Variants in PTPRQ observed in about 807,000 individuals in gnomAD.
PTPRQ encodes the protein protein tyrosine phosphatase receptor type Q.
Under a neutral mutation model 246.0 loss-of-function variants are expected in PTPRQ, and 199 were observed. The observed-to-expected ratio is 0.81, with a 90% confidence interval of 0.72 to 0.91. PTPRQ has a LOEUF of 0.91. PTPRQ is among the 40% of genes least tolerant of loss of function. The pLI, the probability that PTPRQ is intolerant of heterozygous loss-of-function variation, is 0.00. For missense variants in PTPRQ, 2,624 were observed against 2,528.4 expected (o/e 1.04, Z -0.81); for synonymous variants, 869 against 853.2 (o/e 1.02, Z -0.32).
chr12:80,651,886 C>G (rs889136767), intron 37 of PTPRQ, among the ~76,000 whole-genome samples: 1 of 151,674 alleles, frequency 6.6e-6, no homozygotes, highest in Non-Finnish European at 1.5e-5. Context: ...TTAATACATA[C>G]CCATATGTAA....
chr12:80,474,264 A>C (rs1388727946), intron 8 of PTPRQ, among the ~76,000 whole-genome samples: 1 of 152,190 alleles, frequency 6.6e-6, no homozygotes, highest in Non-Finnish European at 1.5e-5. Flanking sequence ...TTAGTATTCT[A>C]ATTAAAGTTA....
chr12:80,449,313 C>A (rs1462302995), intron 3 of PTPRQ, among the ~76,000 whole-genome samples: 7 of 152,076 alleles, frequency 4.6e-5, no homozygotes, highest in African/African-American at 1.7e-4. Context: ...AATTTTCCCC[C>A]ATTTTTTGGG....
At chr12:80,496,562 A>G in intron 14 of PTPRQ, 31 bp downstream of exon 14, 1 of 1,530,566 alleles carries the variant, frequency 6.5e-7, no homozygotes, top group Non-Finnish European at 8.8e-7. Flanking sequence ...TTTGTTTAAT[A>G]ATACACAGTG....
chr12:80,546,738 T>C (rs1896319842), intron 24 of PTPRQ, 41 bp downstream of exon 24: 1 of 1,532,994 alleles, frequency 6.5e-7, no homozygotes, highest in Non-Finnish European at 8.8e-7. Flanking sequence ...TCTTTTTATA[T>C]TTAACACCTT....
At chr12:80,552,644 ATT>A (rs1565781767) in intron 25 of PTPRQ, among the ~76,000 whole-genome samples, 11 of 13,494 alleles carry the variant, frequency 8.2e-4, no homozygotes, top group Non-Finnish European at 9.8e-4. Context: ...AAAAAAAAAA[ATT>A]ATATATATAT....
intron 20 of PTPRQ, 100 bp from the exon 21 acceptor site, chr12:80,541,455 A>T: frequency 1.1e-6 from 1 of 876,742 alleles, no homozygotes; most frequent in Non-Finnish European, 1.6e-6. Flanking sequence ...AGAGCTGATG[A>T]TGTAATAGTT....
chr12:80,542,436 C>T (rs1172300179), intron 22 of PTPRQ, 72 bp downstream of exon 22: 3 of 1,485,210 alleles, frequency 2.0e-6, no homozygotes, highest in South Asian at 1.4e-5. Context: ...TAAGGAACAG[C>T]ATGGAATATG....
intron 42 of PTPRQ, 122 bp downstream of exon 42, chr12:80,670,614 CA>C: frequency 1.5e-6 from 2 of 1,344,228 alleles, no homozygotes; most frequent in Non-Finnish European, 1.9e-6. Flanking sequence ...TCAGAGATTT[CA>C]CATTTAGCAT....
rs544375843 is a variant in PTPRQ, at chr12:80,545,418, T to C, written c.3874-1138T>C. 1.3e-4 allele frequency among the ~76,000 whole-genome samples: 20 copies of C among 152,244 alleles called. 1 individual carries two copies. The South Asian group carries it at 1.9e-3, about 14-fold the overall frequency. On this transcript the variant is annotated intron_variant, in intron 23 of 44. Coordinates refer to ENST00000644991, the MANE Select transcript of PTPRQ (RefSeq NM_001145026.2). ...TTAAAATTTCTGTTACTGTGATGTT[T>C]GATAAATGATCAACATGGTTTATAT...
At chr12:80,633,505 A>G (rs540569446) in intron 34 of PTPRQ, among the ~76,000 whole-genome samples, 4 of 152,338 alleles carry the variant, frequency 2.6e-5, no homozygotes, top group East Asian at 1.9e-4. Flanking sequence ...TTGCCGAGTT[A>G]AAGGGACCTT....
chr12:80,652,975 T>G (rs987696271), intron 38 of PTPRQ, 141 bp downstream of exon 38: 2 of 1,025,120 alleles, frequency 2.0e-6, no homozygotes, highest in East Asian at 3.4e-5. Flanking sequence ...ACTACCAAAT[T>G]ATATATCTTT....
chr12:80,644,681 A>G (rs1206541076), intron 35 of PTPRQ, among the ~76,000 whole-genome samples: 2 of 152,156 alleles, frequency 1.3e-5, no homozygotes, highest in South Asian at 2.1e-4. Context: ...AAGTTAGTGC[A>G]TTTTCCTTAT....
rs1350696920 is a variant in PTPRQ at position 80,669,481 on chromosome 12, G to T, written c.6453+17G>T. The T allele has an allele frequency of 6.5e-7, 1 of 1,534,542 alleles. No homozygotes were observed. The highest frequency in any genetic ancestry group is 8.8e-7 in the Non-Finnish European group (1 of 1,141,566). On this transcript the variant is annotated intron_variant, in intron 41 of 44. Coordinates refer to ENST00000644991, the MANE Select transcript of PTPRQ (RefSeq NM_001145026.2). ...ATTGAAAGGGTAAAAAAAAAAGGGG[G>T]GGACGAGAGAACATGATATAAAATA... is the stretch of plus-strand genomic sequence containing the variant.
chr12:80,588,031 T>C, intron 25 of PTPRQ, 98 bp from the exon 26 acceptor site: 1 of 1,255,676 alleles, frequency 8.0e-7, no homozygotes, highest in South Asian at 1.8e-5. Context: ...ATTTGACAGA[T>C]CTCTACTAGC....
At chr12:80,676,748 T>G (rs553300616) in intron 43 of PTPRQ, among the ~76,000 whole-genome samples, 1 of 152,146 alleles carries the variant, frequency 6.6e-6, no homozygotes, top group Non-Finnish European at 1.5e-5. Context: ...TAAGATACTT[T>G]TAGTGCCTCA....
At chr12:80,632,347 T>C in intron 34 of PTPRQ, 56 bp downstream of exon 34, 1 of 1,544,526 alleles carries the variant, frequency 6.5e-7, no homozygotes, top group Non-Finnish European at 8.7e-7. Context: ...ATATCAGTCA[T>C]AGTCCAATCA....
rs1279556727 is a variant in PTPRQ, at chr12:80,496,118, A to G, written c.1990+12A>G. On this transcript the variant is annotated intron_variant, in intron 13 of 44. Coordinates refer to ENST00000644991, the MANE Select transcript of PTPRQ (RefSeq NM_001145026.2). ...AACTTCAGAAGATGGTAAGAATATC[A>G]ATTGCAGCTTTAATTTTTTTAAAAA... The G allele has an allele frequency of 6.5e-6, 10 of 1,545,002 alleles. No individual in the cohort carries two copies. The highest frequency in any genetic ancestry group is 8.7e-6 in the Non-Finnish European group (10 of 1,144,928).
At chr12:80,630,080 G>T (rs921382924) in intron 33 of PTPRQ, among the ~76,000 whole-genome samples, 2 of 151,890 alleles carry the variant, frequency 1.3e-5, no homozygotes, top group African/African-American at 4.8e-5. Context: ...ATAAATTATT[G>T]ATATTATTTA....
At chr12:80,648,868 C>T in intron 35 of PTPRQ, 29 bp from the exon 36 acceptor site, 2 of 1,522,002 alleles carry the variant, frequency 1.3e-6, no homozygotes, top group Non-Finnish European at 1.8e-6. Flanking sequence ...CTCTGACTCA[C>T]AATGCATTTA....
Sources: allele counts gnomAD v4.1 joint callset (sites outside exome capture counted in the v4.1 genomes callset), GRCh38; gene constraint gnomAD v4.1.1; transcripts MANE v1.5; gene names NCBI Gene and HGNC (gene_info 2026-07-23, HGNC 2026-07-21).